The following ENTREP2 variants were observed in gnomAD, a reference collection of about 807,000 sequenced individuals.
ENTREP2 encodes the protein protein ENTREP2.
At chr15:29,417,636 A>C in the ENTREP2 span, among the ~76,000 whole-genome samples, 1 of 151,978 alleles carries the variant, frequency 6.6e-6, no homozygotes, top group African/African-American at 2.4e-5. Flanking sequence ...TAAAACTTAA[A>C]GTATAATAAT....
the ENTREP2 span, among the ~76,000 whole-genome samples, chr15:29,251,446 C>T: frequency 1.2e-4 from 19 of 152,392 alleles, no homozygotes; most frequent in Non-Finnish European, 2.6e-4. Context: ...CTCGTCCAAC[C>T]CACCACGCTG....
chr15:29,123,698 TAAG>T, the ENTREP2 span: 5 of 1,508,784 alleles, frequency 3.3e-6, no homozygotes, highest in Middle Eastern at 1.8e-4. Flanking sequence ...CTCACTGAAA[TAAG>T]AAGTTAACTC....
the ENTREP2 span, among the ~76,000 whole-genome samples, chr15:29,364,245 T>C: frequency 7.2e-5 from 11 of 152,106 alleles, no homozygotes; most frequent in Admixed American, 2.0e-4. Context: ...AAGAGGTTTT[T>C]TTGGTTATAT....
chr15:29,588,754 T>C, the ENTREP2 span, among the ~76,000 whole-genome samples: 5 of 151,584 alleles, frequency 3.3e-5, no homozygotes, highest in Non-Finnish European at 7.4e-5. Flanking sequence ...TCCTAGCACT[T>C]TGGGAGGCTG....
chr15:29,613,556 T>C, the ENTREP2 span: 1 of 223,792 alleles, frequency 4.5e-6, no homozygotes. Context: ...TGTTTGGCAC[T>C]GTGGCTGAGC....
chr15:29,459,133 T>G, the ENTREP2 span, among the ~76,000 whole-genome samples: 15 of 152,266 alleles, frequency 9.9e-5, no homozygotes, highest in African/African-American at 3.1e-4. Context: ...GAAGCTAAGA[T>G]TTCCATTATT....
chr15:29,417,148 T>A, the ENTREP2 span, among the ~76,000 whole-genome samples: 1 of 152,218 alleles, frequency 6.6e-6, no homozygotes, highest in Non-Finnish European at 1.5e-5. Flanking sequence ...TTACTGGGTA[T>A]ATACCCAAAG....
the ENTREP2 span, chr15:29,123,704 G>A: frequency 6.7e-7 from 1 of 1,502,454 alleles, no homozygotes; most frequent in South Asian, 1.3e-5. Flanking sequence ...GAAATAAGAA[G>A]TTAACTCAAA....
chr15:29,224,853 C>A, the ENTREP2 span, among the ~76,000 whole-genome samples: 1 of 152,194 alleles, frequency 6.6e-6, no homozygotes, highest in African/African-American at 2.4e-5. Flanking sequence ...GGGCGGTGCA[C>A]ACTGGGGAGG....
chr15:29,367,878 T>C, the ENTREP2 span, among the ~76,000 whole-genome samples: 1 of 150,410 alleles, frequency 6.6e-6, no homozygotes, highest in East Asian at 2.0e-4. Context: ...AACAATAAAC[T>C]ATAGTGGACA....
At chr15:29,521,290 C>G in the ENTREP2 span, among the ~76,000 whole-genome samples, 2 of 152,172 alleles carry the variant, frequency 1.3e-5, no homozygotes, top group African/African-American at 4.8e-5. Context: ...AACTGACAAA[C>G]TAATTCTAAA....
chr15:29,420,455 G>A, the ENTREP2 span, among the ~76,000 whole-genome samples: 1 of 152,142 alleles, frequency 6.6e-6, no homozygotes, highest in African/African-American at 2.4e-5. Context: ...TTTGATGGTA[G>A]CAGTGGCTTG....
At chr15:29,523,900 G>C in the ENTREP2 span, among the ~76,000 whole-genome samples, 1 of 151,836 alleles carries the variant, frequency 6.6e-6, no homozygotes, top group African/African-American at 2.4e-5. Context: ...ATTGATCAAA[G>C]ACCTAAATAT....
the ENTREP2 span, among the ~76,000 whole-genome samples, chr15:29,543,480 A>G: frequency 1.3e-5 from 2 of 152,116 alleles, no homozygotes; most frequent in Non-Finnish European, 2.9e-5. Flanking sequence ...CCTCAGGCTT[A>G]AAAAAAGACA....
the ENTREP2 span, chr15:29,126,626 A>G: frequency 1.4e-6 from 1 of 725,734 alleles, no homozygotes; most frequent in South Asian, 1.9e-5. Flanking sequence ...TAAGATTGAC[A>G]AATGCTGCTT....
chr15:29,478,019 A>ATATATATTTTTTTTTTTTTT, the ENTREP2 span, among the ~76,000 whole-genome samples: 2 of 54,286 alleles, frequency 3.7e-5, no homozygotes, highest in African/African-American at 1.8e-4. Flanking sequence ...ATATATATAT[A>ATATATATTTTTTTTTTTTTT]TTTTTTTTTT....
At chr15:29,137,767 C>T in the ENTREP2 span, among the ~76,000 whole-genome samples, 1 of 152,128 alleles carries the variant, frequency 6.6e-6, no homozygotes, top group Non-Finnish European at 1.5e-5. Flanking sequence ...ACCCGGGAGG[C>T]GGAGGTGGCA....
chr15:29,449,160 A>G, the ENTREP2 span, among the ~76,000 whole-genome samples: 1 of 152,258 alleles, frequency 6.6e-6, no homozygotes, highest in African/African-American at 2.4e-5. Flanking sequence ...TCCCTTAATC[A>G]GGGAAACTGA....
chr15:29,269,805 GCA>G, the ENTREP2 span: 1 of 1,157,898 alleles, frequency 8.6e-7, no homozygotes, highest in Non-Finnish European at 1.1e-6. Flanking sequence ...GGAGGCGCGC[GCA>G]GTGTCGGCTG....
Sources: gnomAD v4.1 joint callset for allele counts (sites outside exome capture counted in the v4.1 genomes callset) on GRCh38, gnomAD v4.1.1 for gene constraint, MANE v1.5 for transcripts, NCBI Gene and HGNC (gene_info 2026-07-23, HGNC 2026-07-21) for gene names.